Variants in CSMD1 observed in about 807,000 individuals in gnomAD.
CSMD1 encodes the protein CUB and sushi domain-containing protein 1.
A neutral mutation model predicts 417.5 loss-of-function variants in CSMD1; 213 were observed. The ratio of observed to expected loss-of-function variants is 0.51; its 90% CI spans 0.46 to 0.57. The LOEUF (loss-of-function observed/expected upper bound fraction) is 0.57. Among genes scored for constraint, CSMD1 ranks in the 20% least tolerant of loss-of-function variants. The probability of loss-of-function intolerance (pLI) is 0.00; values close to 1 mark genes in which losing one functional copy is unlikely to be tolerated. For missense variants in CSMD1, 6,923 were observed against 4,529.7 expected (o/e 1.53, Z -15.17); for synonymous variants, 2,862 against 1,736.8 (o/e 1.65, Z -16.11).
Position 4,509,963 on chromosome 8 carries a change from T to A in CSMD1, c.303-89898A>T, listed in dbSNP as rs144896359. Among the ~76,000 whole-genome samples the A allele has an allele frequency of 8.4e-3, 1,281 of 152,276 alleles. 10 individuals are homozygous for A. The highest frequency in any genetic ancestry group is 0.014 in the Non-Finnish European group (983 of 68,028). On this transcript the variant is annotated intron_variant, in intron 2 of 69. Coordinates refer to ENST00000635120, the MANE Select transcript of CSMD1 (RefSeq NM_033225.6). The stretch of plus-strand genomic sequence containing the variant: ...AAATCACTATTTTATGATTTTGCTG[T>A]GTCTCCACCCAAATCTCATGGTGAA...
intron 46 of CSMD1, among the ~76,000 whole-genome samples, chr8:3,099,459 C>A (rs1279936364): frequency 6.6e-6 from 1 of 152,140 alleles, no homozygotes; most frequent in African/African-American, 2.4e-5. Flanking sequence ...GTCTATTCAT[C>A]CTTCTCTAGG....
At chr8:3,824,640 G>A (rs1303014272) in intron 5 of CSMD1, among the ~76,000 whole-genome samples, 1 of 152,122 alleles carries the variant, frequency 6.6e-6, no homozygotes, top group African/African-American at 2.4e-5. Context: ...CTGATTACAT[G>A]CTGAAATAGC....
chr8:4,439,304 T>A (rs1563173954), intron 2 of CSMD1, among the ~76,000 whole-genome samples: 1 of 152,188 alleles, frequency 6.6e-6, no homozygotes, highest in Non-Finnish European at 1.5e-5. Flanking sequence ...CTGCCAAAAT[T>A]ACCTTGGTAA....
chr8:2,966,876 T>C (rs1215881258), intron 57 of CSMD1, 130 bp from the exon 58 acceptor site: 26 of 760,212 alleles, frequency 3.4e-5, no homozygotes. Context: ...CACAATCCTA[T>C]GGAAGTTCCT....
At position 2,972,978 on chromosome 8, in the gene CSMD1, C is replaced by T. The variant is rs1294887270; in HGVS notation, c.8923+139G>A. On this transcript the variant is annotated intron_variant, in intron 57 of 69. Coordinates refer to ENST00000635120, the MANE Select transcript of CSMD1 (RefSeq NM_033225.6). ...CAGTCATGATTTCTGATGATGCTTCCACAAATATTGCGGGGAAAAGATTTA... is the reference window on the plus strand; with the variant it reads ...CAGTCATGATTTCTGATGATGCTTCTACAAATATTGCGGGGAAAAGATTTA... 7 of 837,986 alleles carry T rather than the reference C, an allele frequency of 8.4e-6. No homozygotes were observed. In the African/African-American group the frequency reaches 8.6e-5, roughly 10 times the overall value. The allele number at this position is 837,986 out of a possible 1,614,324, so 51.9% of individuals were successfully genotyped here.
At chr8:4,688,184 C>T (rs991685613) in intron 1 of CSMD1, among the ~76,000 whole-genome samples, 9 of 152,032 alleles carry the variant, frequency 5.9e-5, no homozygotes, top group African/African-American at 1.4e-4. Context: ...TGTGAGTGTA[C>T]GAGAGTCAAG....
intron 51 of CSMD1, among the ~76,000 whole-genome samples, chr8:3,021,486 G>A (rs1231215226): frequency 6.6e-6 from 1 of 152,156 alleles, no homozygotes; most frequent in East Asian, 1.9e-4. Context: ...TTTTTCCTCT[G>A]AAGTTTCTAA....
At chr8:3,773,103 C>CTCTG (rs1198813017) in intron 5 of CSMD1, among the ~76,000 whole-genome samples, 2 of 152,168 alleles carry the variant, frequency 1.3e-5, no homozygotes, top group African/African-American at 4.8e-5. Flanking sequence ...CTCACGAGGG[C>CTCTG]TCTGTCCTCA....
intron 3 of CSMD1, among the ~76,000 whole-genome samples, chr8:4,140,724 G>T (rs999739583): frequency 2.0e-5 from 3 of 150,852 alleles, no homozygotes; most frequent in Admixed American, 1.3e-4. Flanking sequence ...TGGACAATCT[G>T]TAAGTCTTCC....
chr8:4,228,575 C>A (rs995711575), intron 3 of CSMD1, among the ~76,000 whole-genome samples: 4 of 147,286 alleles, frequency 2.7e-5, no homozygotes, highest in African/African-American at 7.5e-5. Flanking sequence ...TGGCAATTCT[C>A]TTCTCTGTCA....
intron 3 of CSMD1, among the ~76,000 whole-genome samples, chr8:4,065,007 A>C (rs1208394248): frequency 6.6e-6 from 1 of 152,156 alleles, no homozygotes; most frequent in Non-Finnish European, 1.5e-5. Flanking sequence ...AATCCACTTA[A>C]GTTGTTCATT....
At chr8:3,160,244 T>G (rs1819798499) in intron 38 of CSMD1, among the ~76,000 whole-genome samples, 1 of 152,150 alleles carries the variant, frequency 6.6e-6, no homozygotes, top group African/African-American at 2.4e-5. Context: ...CACCTCAGCC[T>G]CCCAGGTAAC....
At chr8:4,591,587 A>T (rs371265244) in intron 2 of CSMD1, among the ~76,000 whole-genome samples, 2 of 152,172 alleles carry the variant, frequency 1.3e-5, no homozygotes, top group East Asian at 3.9e-4. Flanking sequence ...GAGCAGATGC[A>T]AGCAGCTTTC....
chr8:4,534,870 C>T (rs774101443), intron 2 of CSMD1, among the ~76,000 whole-genome samples: 4 of 152,158 alleles, frequency 2.6e-5, no homozygotes, highest in Admixed American at 2.6e-4. Context: ...TCATGTCACT[C>T]TCCTGCCTCA....
intron 3 of CSMD1, among the ~76,000 whole-genome samples, chr8:4,053,314 A>G (rs2912275): frequency 0.9 from 137,540 of 152,272 alleles, 62,316 homozygotes; most frequent in East Asian, 0.99. Flanking sequence ...AATGCATGAG[A>G]ATAATAAAAA....
At position 3,196,972 on chromosome 8, in the gene CSMD1, C is replaced by G. The variant is rs73660607; in HGVS notation, c.5194+2742G>C. Among the ~76,000 whole-genome samples the G allele has an allele frequency of 7.2e-5, 11 of 152,164 alleles. No homozygotes were observed. The East Asian group carries it at 2.1e-3, about 29-fold the overall frequency. On this transcript the variant is annotated intron_variant, in intron 33 of 69. Transcript: ENST00000635120. ...ACTGGCCACAGCCTTCTCTGGGGCACCCCATGATGTCACTCACACCTTCTT... is the reference window on the plus strand; with the variant it reads ...ACTGGCCACAGCCTTCTCTGGGGCAGCCCATGATGTCACTCACACCTTCTT...
chr8:4,212,649 A>G (rs909333553), intron 3 of CSMD1, among the ~76,000 whole-genome samples: 6 of 152,102 alleles, frequency 3.9e-5, no homozygotes, highest in Admixed American at 1.3e-4. Flanking sequence ...TGTTATCAGT[A>G]AAGTACAATT....
intron 1 of CSMD1, among the ~76,000 whole-genome samples, chr8:4,913,654 A>G (rs2059780664): frequency 6.6e-6 from 1 of 152,160 alleles, no homozygotes; most frequent in African/African-American, 2.4e-5. Context: ...CGTCAACCAG[A>G]TGTACTGTGC....
intron 3 of CSMD1, among the ~76,000 whole-genome samples, chr8:4,300,648 A>T (rs1349514832): frequency 6.6e-6 from 1 of 152,250 alleles, no homozygotes; most frequent in South Asian, 2.1e-4. Flanking sequence ...CTCGTCATTT[A>T]GCATTAGGTA....
Sources: allele counts gnomAD v4.1 joint callset (sites outside exome capture counted in the v4.1 genomes callset), GRCh38; gene constraint gnomAD v4.1.1; transcripts MANE v1.5; gene names NCBI Gene and HGNC (gene_info 2026-07-23, HGNC 2026-07-21).